FRMD3: variants seen among roughly 807,000 people sequenced by gnomAD.
FRMD3 encodes the protein FERM domain containing 3.
A neutral mutation model predicts 70.2 loss-of-function variants in FRMD3; 33 were observed. The ratio of observed to expected loss-of-function variants is 0.47; its 90% CI spans 0.36 to 0.63. The LOEUF (loss-of-function observed/expected upper bound fraction) is 0.63. Among genes scored for constraint, FRMD3 ranks in the 20% least tolerant of loss-of-function variants. The pLI, the probability that FRMD3 is intolerant of heterozygous loss-of-function variation, is 0.00. For synonymous variants in FRMD3, 279 were observed against 255.9 expected, an observed-to-expected ratio of 1.09 and a Z score of -0.86; for missense variants, 632 against 711.4, an observed-to-expected ratio of 0.89 and a Z score of 1.27.
the FRMD3 span, among the ~76,000 whole-genome samples, chr9:83,575,838 T>C: frequency 6.6e-6 from 1 of 152,150 alleles, no homozygotes; most frequent in Non-Finnish European, 1.5e-5. Flanking sequence ...GAAGAATTAA[T>C]ACCAATTTTT....
chr9:83,367,628 T>C (rs1387153306), intron 3 of FRMD3, among the ~76,000 whole-genome samples: 1 of 152,232 alleles, frequency 6.6e-6, no homozygotes, highest in Non-Finnish European at 1.5e-5. Context: ...AAGATATTCC[T>C]AATTAAGGCT....
intron 1 of FRMD3, among the ~76,000 whole-genome samples, chr9:83,431,619 G>C (rs1826979135): frequency 6.6e-6 from 1 of 151,896 alleles, no homozygotes; most frequent in Non-Finnish European, 1.5e-5. Flanking sequence ...TGCTATTTTA[G>C]GTTCTGAGAG....
At chr9:83,371,955 C>T (rs918733680) in intron 3 of FRMD3, among the ~76,000 whole-genome samples, 6 of 152,202 alleles carry the variant, frequency 3.9e-5, no homozygotes, top group African/African-American at 1.4e-4. Context: ...TGTTCAGTTT[C>T]TTCCTTCTTT....
chr9:83,319,886 T>C (rs867098566), intron 6 of FRMD3, among the ~76,000 whole-genome samples: 7 of 152,350 alleles, frequency 4.6e-5, no homozygotes, highest in Middle Eastern at 3.4e-3. Flanking sequence ...CATGTAGAAC[T>C]GTAAATCAAA....
intron 1 of FRMD3, among the ~76,000 whole-genome samples, chr9:83,517,024 A>G (rs1829468670): frequency 6.6e-6 from 1 of 152,206 alleles, no homozygotes; most frequent in South Asian, 2.1e-4. Flanking sequence ...AGTGGGGAAG[A>G]TCTAAAATTG....
chr9:83,356,531 C>T (rs1824350519), intron 3 of FRMD3, among the ~76,000 whole-genome samples: 1 of 151,604 alleles, frequency 6.6e-6, no homozygotes, highest in Admixed American at 6.6e-5. Context: ...CCACCTCGGC[C>T]TCCCAAAGTG....
chr9:83,260,883 C>T (rs559569206), intron 13 of FRMD3, among the ~76,000 whole-genome samples: 40 of 152,082 alleles, frequency 2.6e-4, no homozygotes, highest in Non-Finnish European at 4.0e-4. Flanking sequence ...ATACTTCAAG[C>T]GAAACTCCTG....
At chr9:83,343,131 T>C in intron 5 of FRMD3, 59 bp downstream of exon 5, 1 of 1,245,782 alleles carries the variant, frequency 8.0e-7, no homozygotes, top group South Asian at 1.2e-5. Context: ...AAGGGAGGCT[T>C]GAAACAGCCA....
At chr9:83,249,530 T>C (rs1178141505) in intron 13 of FRMD3, among the ~76,000 whole-genome samples, 1 of 152,194 alleles carries the variant, frequency 6.6e-6, no homozygotes. Context: ...GAATCTATTA[T>C]GTGATTTTTC....
the FRMD3 span, among the ~76,000 whole-genome samples, chr9:83,552,802 T>C: frequency 6.6e-6 from 1 of 152,190 alleles, no homozygotes; most frequent in Non-Finnish European, 1.5e-5. Context: ...AACTTCTGCT[T>C]TTTTCTGTTT....
At chr9:83,400,589 T>C (rs1825926735) in intron 1 of FRMD3, among the ~76,000 whole-genome samples, 1 of 152,172 alleles carries the variant, frequency 6.6e-6, no homozygotes, top group Admixed American at 6.6e-5. Flanking sequence ...ACAGTATTGA[T>C]GACAAACAAT....
At chr9:83,544,113 A>C in the FRMD3 span, among the ~76,000 whole-genome samples, 2 of 152,182 alleles carry the variant, frequency 1.3e-5, no homozygotes, top group African/African-American at 4.8e-5. Flanking sequence ...AAAGCTGTCT[A>C]TTTTGGGCTG....
chr9:83,411,955 G>A (rs1477902394), intron 1 of FRMD3, among the ~76,000 whole-genome samples: 1 of 152,078 alleles, frequency 6.6e-6, no homozygotes, highest in Non-Finnish European at 1.5e-5. Context: ...CAACACATAA[G>A]GCAGAAATGT....
chr9:83,467,873 G>A (rs1828171363), intron 1 of FRMD3: 1 of 1,156,960 alleles, frequency 8.6e-7, no homozygotes, highest in Admixed American at 3.2e-5. Flanking sequence ...TTACAAACAT[G>A]AGATGCTTTT....
rs1829913834 is a variant in FRMD3 at position 83,537,134 on chromosome 9, C to T, written c.147+951G>A. On this transcript the variant is annotated intron_variant, in intron 1 of 13. Transcript: ENST00000304195. The surrounding 1 kb of genome is among the most constrained non-coding windows in gnomAD (Gnocchi z 4.1). ...GTCCTGGAAGAGGGGCTCCCACCTGCCTACATATTCACCCACAGCAAATAT... is the reference window on the plus strand; with the variant it reads ...GTCCTGGAAGAGGGGCTCCCACCTGTCTACATATTCACCCACAGCAAATAT... Among the ~76,000 whole-genome samples, 1 of 152,016 alleles carries T rather than the reference C, an allele frequency of 6.6e-6. No individual in the cohort carries two copies. The highest frequency in any genetic ancestry group is 2.4e-5 in the African/African-American group (1 of 41,358).
At chr9:83,264,697 T>C (rs1235074900) in intron 13 of FRMD3, among the ~76,000 whole-genome samples, 1 of 151,988 alleles carries the variant, frequency 6.6e-6, no homozygotes, top group Non-Finnish European at 1.5e-5. Context: ...AAAACTATAC[T>C]GTATAGTAAT....
chr9:83,569,970 G>A, the FRMD3 span, among the ~76,000 whole-genome samples: 8 of 152,160 alleles, frequency 5.3e-5, no homozygotes, highest in East Asian at 5.8e-4. Flanking sequence ...CCAGAATGTC[G>A]GATTCTGGAA....
At chr9:83,415,821 G>A (rs1826424623) in intron 1 of FRMD3, among the ~76,000 whole-genome samples, 1 of 151,814 alleles carries the variant, frequency 6.6e-6, no homozygotes, top group Non-Finnish European at 1.5e-5. Flanking sequence ...TGAAGCAGAA[G>A]GAAGACAGGA....
At chr9:83,382,793 G>A (rs1481504293) in intron 2 of FRMD3, among the ~76,000 whole-genome samples, 1 of 151,922 alleles carries the variant, frequency 6.6e-6, no homozygotes, top group Non-Finnish European at 1.5e-5. Flanking sequence ...TCTCTTCCCA[G>A]GGCTTTGAAG....
Sources: gnomAD v4.1 joint callset for allele counts (sites outside exome capture counted in the v4.1 genomes callset) on GRCh38, gnomAD v4.1.1 for gene constraint, Gnocchi (gnomAD v3.1) non-coding constraint, MANE v1.5 for transcripts, NCBI Gene and HGNC (gene_info 2026-07-23, HGNC 2026-07-21) for gene names.